Variants in PLS1 observed in about 807,000 individuals in gnomAD.
The protein encoded by PLS1 is plastin-1.
A neutral mutation model predicts 73.7 loss-of-function variants in PLS1; 32 were observed. The observed-to-expected ratio is 0.43, with a 90% CI of 0.33 to 0.58. PLS1 has a LOEUF of 0.58. PLS1 is among the 20% of genes least tolerant of loss of function. The pLI, the probability that PLS1 is intolerant of heterozygous loss-of-function variation, is 0.04. For missense variants in PLS1, 633 were observed against 740.5 expected (o/e 0.85, Z 1.68); for synonymous variants, 217 against 261.3 (o/e 0.83, Z 1.63).
chr3:142,699,862 C>T (rs1022816793), intron 12 of PLS1, among the ~76,000 whole-genome samples: 5 of 152,044 alleles, frequency 3.3e-5, no homozygotes, highest in African/African-American at 4.8e-5. Flanking sequence ...AAGAGTTACT[C>T]GTATGTTTCA....
At chr3:142,659,430 T>G (rs935173927) in intron 1 of PLS1, among the ~76,000 whole-genome samples, 2 of 152,238 alleles carry the variant, frequency 1.3e-5, no homozygotes, top group African/African-American at 2.4e-5. Context: ...AGGTACTGTA[T>G]ATATAATTTT....
chr3:142,607,380 AG>A (rs2036043327), intron 1 of PLS1, among the ~76,000 whole-genome samples: 1 of 152,148 alleles, frequency 6.6e-6, no homozygotes, highest in Non-Finnish European at 1.5e-5. Context: ...CCTGGGTTCA[AG>A]CGATTCTCCT....
chr3:142,702,093 G>A (rs772275768), intron 12 of PLS1, among the ~76,000 whole-genome samples: 1 of 152,146 alleles, frequency 6.6e-6, no homozygotes, highest in Non-Finnish European at 1.5e-5. Flanking sequence ...TGGTGCCCAG[G>A]CTGGAGTGCA....
chr3:142,636,063 T>C (rs13316873), intron 1 of PLS1, among the ~76,000 whole-genome samples: 231 of 152,060 alleles, frequency 1.5e-3, no homozygotes, highest in Non-Finnish European at 2.4e-3. Flanking sequence ...TAATTTTTTT[T>C]TTTTTCCTGT....
chr3:142,683,211 G>A (rs943123653), intron 6 of PLS1, among the ~76,000 whole-genome samples: 4 of 152,208 alleles, frequency 2.6e-5, no homozygotes, highest in African/African-American at 9.6e-5. Flanking sequence ...GCGATTAAGA[G>A]GATGGGCTCT....
At chr3:142,698,900 G>C (rs1381159323) in intron 12 of PLS1, among the ~76,000 whole-genome samples, 1 of 152,076 alleles carries the variant, frequency 6.6e-6, no homozygotes, top group Non-Finnish European at 1.5e-5. Context: ...TGTTTATACA[G>C]CACACAAGAA....
intron 14 of PLS1, among the ~76,000 whole-genome samples, chr3:142,707,664 C>G (rs1298526700): frequency 6.6e-6 from 1 of 152,208 alleles, no homozygotes; most frequent in Non-Finnish European, 1.5e-5. Flanking sequence ...GCATACTGCT[C>G]ATTTATTCCA....
At chr3:142,671,859 T>C (rs989271604) in intron 4 of PLS1, among the ~76,000 whole-genome samples, 2 of 152,220 alleles carry the variant, frequency 1.3e-5, no homozygotes, top group Non-Finnish European at 2.9e-5. Context: ...ATTATCCTCT[T>C]GATTCTGTCC....
chr3:142,707,044 A>G (rs2038476551), intron 14 of PLS1, among the ~76,000 whole-genome samples: 1 of 152,212 alleles, frequency 6.6e-6, no homozygotes, highest in Admixed American at 6.5e-5. Context: ...AAACCTTTTA[A>G]GGGAGAGCAA....
At chr3:142,697,639 T>C (rs1249249825) in intron 11 of PLS1, among the ~76,000 whole-genome samples, 1 of 152,216 alleles carries the variant, frequency 6.6e-6, no homozygotes, top group Non-Finnish European at 1.5e-5. Flanking sequence ...CTACCTTATG[T>C]CCAATGGTGG....
intron 1 of PLS1, among the ~76,000 whole-genome samples, chr3:142,614,286 G>A (rs2036174863): frequency 1.3e-5 from 2 of 152,218 alleles, no homozygotes; most frequent in African/African-American, 4.8e-5. Context: ...CAGGAAATTA[G>A]CAGCGGCAGG....
chr3:142,678,237 C>CT (rs376338369), intron 6 of PLS1, 124 bp downstream of exon 6: 2,253 of 349,182 alleles, frequency 6.5e-3, no homozygotes, highest in East Asian at 8.6e-3. Flanking sequence ...CCTATAAAAA[C>CT]TTTTTTTTTT....
Position 142,712,242 on chromosome 3 carries a change from A to G in PLS1, c.*235A>G, listed in dbSNP as rs1933167131. ...AGAATATATTCATAATCAAGCTGAT[A>G]CTTCATGATTAAATTATTTTTGTTG... On this transcript the variant is annotated 3_prime_UTR_variant, in exon 16 of 16. Transcript: ENST00000457734. 1.2e-5 allele frequency: 4 copies of G among 338,772 alleles called. No individual in the cohort carries two copies. The East Asian group carries it at 1.4e-4, about 12-fold the overall frequency. The allele number at this position is 338,772 out of a possible 1,614,324, so 21.0% of individuals were successfully genotyped here. A position where few individuals can be genotyped will look rare whatever the true frequency, so the allele number is the denominator to read the frequency against.
chr3:142,622,947 G>A (rs778051107), intron 1 of PLS1, among the ~76,000 whole-genome samples: 12 of 152,106 alleles, frequency 7.9e-5, no homozygotes, highest in East Asian at 3.9e-4. Context: ...CAATATTGCC[G>A]TTTTCTTTTC....
At chr3:142,625,790 A>G (rs1327383373) in intron 1 of PLS1, among the ~76,000 whole-genome samples, 1 of 152,074 alleles carries the variant, frequency 6.6e-6, no homozygotes. Context: ...CCTGGGCAAC[A>G]TGGCAAAACC....
intron 5 of PLS1, 40 bp from the exon 6 acceptor site, chr3:142,677,991 TC>T: frequency 1.1e-6 from 1 of 947,016 alleles, no homozygotes; most frequent in Non-Finnish European, 1.6e-6. Flanking sequence ...TAAAAAAATT[TC>T]TTGGAGTATT....
At chr3:142,640,063 A>C (rs2036796875) in intron 1 of PLS1, among the ~76,000 whole-genome samples, 1 of 152,186 alleles carries the variant, frequency 6.6e-6, no homozygotes, top group Non-Finnish European at 1.5e-5. Context: ...ATTTTATACA[A>C]TAGAGGAAAT....
chr3:142,669,595 A>G, intron 3 of PLS1, 42 bp downstream of exon 3: 1 of 1,469,514 alleles, frequency 6.8e-7, no homozygotes, highest in Non-Finnish European at 9.4e-7. Flanking sequence ...AATCTTGCTT[A>G]GAGCAGAATT....
At position 142,669,562 on chromosome 3, in the gene PLS1, T is replaced by C; in HGVS notation, c.234+9T>C. The C allele has an allele frequency of 2.5e-6, 4 of 1,601,656 alleles. No individual in the cohort carries two copies. Among genetic ancestry groups the C allele is most frequent in the Non-Finnish European group, 3.4e-6 (4 of 1,170,956 alleles). On this transcript the variant is annotated intron_variant, in intron 3 of 15. Coordinates refer to ENST00000457734, the MANE Select transcript of PLS1 (RefSeq NM_001145319.2). ...TTGAAGAGTTTGTGTCAGTAAGTAA[T>C]CTAATCCTTTCGGGCTACTGATAAT...
Sources: allele counts gnomAD v4.1 joint callset (sites outside exome capture counted in the v4.1 genomes callset), GRCh38; gene constraint gnomAD v4.1.1; transcripts MANE v1.5; gene names NCBI Gene and HGNC (gene_info 2026-07-23, HGNC 2026-07-21).